Variants in ANAPC7 observed in about 807,000 individuals in gnomAD.
ANAPC7 encodes anaphase promoting complex subunit 7, also known as anaphase-promoting complex subunit 7.
ANAPC7 carries 25 observed loss-of-function variants against 63.3 expected under a neutral mutation model. The observed-to-expected ratio is 0.39, with a 90% CI of 0.29 to 0.55. The LOEUF (loss-of-function observed/expected upper bound fraction) is 0.55. ANAPC7 is among the 20% of genes least tolerant of loss of function. The probability of loss-of-function intolerance (pLI) is 0.57; values close to 1 mark genes in which losing one functional copy is unlikely to be tolerated. For synonymous variants in ANAPC7, 241 were observed against 251.7 expected, an observed-to-expected ratio of 0.96 and a Z score of 0.40; for missense variants, 516 against 691.7, an observed-to-expected ratio of 0.75 and a Z score of 2.85.
At chr12:110,401,607 G>A (rs932263982) in intron 1 of ANAPC7, among the ~76,000 whole-genome samples, 2 of 152,118 alleles carry the variant, frequency 1.3e-5, no homozygotes, top group East Asian at 1.9e-4. Flanking sequence ...ATAACACAAA[G>A]AGGCCAGAAG....
chr12:110,382,840 T>C lies in ANAPC7; in HGVS notation c.935+3A>G. The C allele has an allele frequency of 6.2e-7, 1 of 1,610,150 alleles. No homozygotes were observed. The highest frequency in any genetic ancestry group is 8.5e-7 in the Non-Finnish European group (1 of 1,177,052). On this transcript the variant is annotated splice_donor_region_variant and intron_variant, in intron 7 of 10. Coordinates refer to ENST00000455511, the MANE Select transcript of ANAPC7 (RefSeq NM_016238.3). ...GGGGAGAAAAGAGAATGCATAATCA[T>C]ACCCAGAAACCACCCACGGTTCTGC...
intron 1 of ANAPC7, among the ~76,000 whole-genome samples, chr12:110,399,422 T>C (rs966252356): frequency 1.3e-5 from 2 of 151,736 alleles, no homozygotes; most frequent in Admixed American, 1.3e-4. Flanking sequence ...GAAGACTGCT[T>C]GAGCCTAGAG....
intron 1 of ANAPC7, among the ~76,000 whole-genome samples, chr12:110,399,416 A>G (rs2062192223): frequency 6.6e-6 from 1 of 151,828 alleles, no homozygotes; most frequent in East Asian, 1.9e-4. Flanking sequence ...AGGTGGGAAG[A>G]CTGCTTGAGC....
chr12:110,379,351 G>A (rs777669420), intron 8 of ANAPC7, among the ~76,000 whole-genome samples: 3 of 152,204 alleles, frequency 2.0e-5, no homozygotes, highest in Non-Finnish European at 2.9e-5. Context: ...AAATATCAAA[G>A]GGTGTAGTCA....
chr12:110,392,251 T>C (rs2137970483), intron 3 of ANAPC7, among the ~76,000 whole-genome samples: 1 of 152,328 alleles, frequency 6.6e-6, no homozygotes, highest in South Asian at 2.1e-4. Flanking sequence ...TCCAGGCTTA[T>C]GATGAGAGAG....
chr12:110,381,728 A>G (rs200704477), intron 8 of ANAPC7, 24 bp downstream of exon 8: 1 of 1,609,566 alleles, frequency 6.2e-7, no homozygotes, highest in Admixed American at 1.7e-5. Flanking sequence ...GATTCACACC[A>G]TTCACCTATG....
chr12:110,393,948 G>C (rs183708557), intron 3 of ANAPC7, among the ~76,000 whole-genome samples: 1 of 150,250 alleles, frequency 6.7e-6, no homozygotes, highest in African/African-American at 2.5e-5. Context: ...CGTGGCAGGC[G>C]AATCACAAAG....
intron 1 of ANAPC7, among the ~76,000 whole-genome samples, chr12:110,399,513 A>T (rs2062194005): frequency 6.6e-6 from 1 of 151,732 alleles, no homozygotes; most frequent in Non-Finnish European, 1.5e-5. Context: ...GGAGGAAGGG[A>T]CAATTGGAGA....
rs1882461382 is a variant in ANAPC7 at position 110,386,477 on chromosome 12, A to G, written c.675-8T>C. On this transcript the variant is annotated splice_polypyrimidine_tract_variant and splice_region_variant and intron_variant, in intron 5 of 10. Transcript: ENST00000455511. ...GATTTTTTCTCTAGTGAACTTTAAGATATTTATTAAACATTGAACCTTTAA... is the reference window on the plus strand; with the variant it reads ...GATTTTTTCTCTAGTGAACTTTAAGGTATTTATTAAACATTGAACCTTTAA... 1 of 1,606,090 alleles carries G rather than the reference A, an allele frequency of 6.2e-7. No homozygotes were observed. The highest frequency in any genetic ancestry group is 8.5e-7 in the Non-Finnish European group (1 of 1,175,834).
intron 1 of ANAPC7, among the ~76,000 whole-genome samples, chr12:110,401,097 T>C (rs553354636): frequency 4.6e-5 from 7 of 152,226 alleles, no homozygotes. Context: ...GAAAATCCAA[T>C]GGGCAGCAGC....
rs1159374781 is a variant in ANAPC7 at position 110,383,875 on chromosome 12, C to CAAAAAAAAAAAAAAAAAAAA, written c.818-935_818-916dup. 6.7e-4 allele frequency among the ~76,000 whole-genome samples: 34 copies of CAAAAAAAAAAAAAAAAAAAA among 50,672 alleles called. 1 individual carries two copies. The highest frequency in any genetic ancestry group is 9.3e-4 in the Admixed American group (3 of 3,238). The allele number at this position is 50,672 out of a possible 152,430, so 33.2% of individuals were successfully genotyped here. On this transcript the variant is annotated intron_variant, in intron 6 of 10. Coordinates refer to ENST00000455511, the MANE Select transcript of ANAPC7 (RefSeq NM_016238.3). ...TTGGCTACAGAGCGAGACTCCGTCT[C>CAAAAAAAAAAAAAAAAAAAA]AAAAAAAAAAAAAAAAAAAAAAAGA...
chr12:110,382,021 A>T (rs1881904343), intron 7 of ANAPC7, 73 bp from the exon 8 acceptor site: 1 of 1,401,888 alleles, frequency 7.1e-7, no homozygotes, highest in Non-Finnish European at 9.5e-7. Flanking sequence ...AAGAAAGTTG[A>T]TCCAAAAATC....
chr12:110,389,848 C>T (rs978628719), intron 3 of ANAPC7, among the ~76,000 whole-genome samples: 5 of 151,588 alleles, frequency 3.3e-5, no homozygotes, highest in Non-Finnish European at 5.9e-5. Context: ...AGGAGAATGA[C>T]GTGAACCCGG....
At chr12:110,383,500 T>A in intron 6 of ANAPC7, among the ~76,000 whole-genome samples, 1 of 151,010 alleles carries the variant, frequency 6.6e-6, no homozygotes, top group African/African-American at 2.4e-5. Context: ...GCACTCTGGG[T>A]GGCAGAGGCA....
chr12:110,394,374 C>T (rs1883374457), intron 3 of ANAPC7, among the ~76,000 whole-genome samples: 1 of 151,764 alleles, frequency 6.6e-6, no homozygotes, highest in African/African-American at 2.4e-5. Context: ...CGCCTGTAAT[C>T]CCAACACTTT....
intron 1 of ANAPC7, 55 bp downstream of exon 1, chr12:110,403,472 C>T: frequency 6.5e-7 from 1 of 1,536,688 alleles, no homozygotes; most frequent in Non-Finnish European, 8.8e-7. Flanking sequence ...AGCCCCCGCT[C>T]CCAGACCGCC....
chr12:110,375,691 A>G (rs1881200741), intron 10 of ANAPC7: 4 of 951,616 alleles, frequency 4.2e-6, no homozygotes, highest in Non-Finnish European at 5.0e-6. Flanking sequence ...TAATGACTAC[A>G]GTAGATAGAA....
At position 110,382,953 on chromosome 12, in the gene ANAPC7, A is replaced by T; in HGVS notation, c.825T>A (p.Asp275Glu). Residue 275 changes from aspartate (D) to glutamate (E), a missense_variant, in exon 7 of 11, where the codon GAT (aspartate) becomes GAA (glutamate). By Grantham distance (45) the Asp-to-Glu change is conservative (BLOSUM62 2). Transcript: ENST00000455511. ...MLDPYLIKGM[D>E]VYGYLLAREG... is the part of the protein sequence containing the mutation. The stretch of plus-strand genomic sequence containing the variant: ...CTCGTGCCAGTAGGTAGCCATATAC[A>T]TCCATTCCTAGAAGAGAAGGACATA... The T allele has an allele frequency of 6.2e-7, 1 of 1,612,740 alleles. No individual in the cohort carries two copies. Among genetic ancestry groups the T allele is most frequent in the South Asian group, 1.1e-5 (1 of 91,002 alleles).
In ANAPC7 at chr12:110,382,973, G is replaced by A; in HGVS notation, c.818-13C>T. The A allele has an allele frequency of 6.3e-7, 1 of 1,598,192 alleles. No individual in the cohort carries two copies. The highest frequency in any genetic ancestry group is 8.6e-7 in the Non-Finnish European group (1 of 1,167,366). On this transcript the variant is annotated splice_polypyrimidine_tract_variant and intron_variant, in intron 6 of 10. Coordinates refer to ENST00000455511, the MANE Select transcript of ANAPC7 (RefSeq NM_016238.3). ...TATACATCCATTCCTAGAAGAGAAG[G>A]ACATAGTGAGAAGAGGTGTTTTAAG... is the stretch of plus-strand genomic sequence containing the variant.
Sources: allele counts gnomAD v4.1 joint callset (sites outside exome capture counted in the v4.1 genomes callset), GRCh38; gene constraint gnomAD v4.1.1; transcripts MANE v1.5; gene names NCBI Gene and HGNC (gene_info 2026-07-23, HGNC 2026-07-21).